ZNF215: variants seen among roughly 807,000 people sequenced by gnomAD.
ZNF215 encodes the protein BWSCR2-associated zinc finger protein 2.
A neutral mutation model predicts 27.2 loss-of-function variants in ZNF215; 24 were observed. The observed-to-expected ratio is 0.88, with a 90% CI of 0.64 to 1.24. The LOEUF (loss-of-function observed/expected upper bound fraction) is 1.24. Among genes scored for constraint, ZNF215 ranks in the 50% most tolerant of loss-of-function variants. ZNF215 has a pLI of 0.00. For missense variants in ZNF215, 675 were observed against 605.7 expected (o/e 1.11, Z -1.20); for synonymous variants, 210 against 204.0 (o/e 1.03, Z -0.25).
rs1485401609 is a variant in ZNF215, at chr11:6,950,942, AG to A, written c.713-4745del. Among the ~76,000 whole-genome samples the A allele has an allele frequency of 3.3e-5, 5 of 152,158 alleles. No individual in the cohort carries two copies. The South Asian group carries it at 8.3e-4, about 25-fold the overall frequency. On this transcript the variant is annotated intron_variant, in intron 6 of 6. Transcript: ENST00000278319. ...AATTTATTGAGAGTTTTTAGCATGA[AG>A]GGTTGTTGAATTTTGTCCAAGGCCT...
chr11:6,963,063 T>G lies in ZNF215; in HGVS notation c.805+7281T>G, dbSNP rs184862933. On this transcript the variant is annotated intron_variant, in intron 5 of 5. Transcript: ENST00000529903. ...GCTCTACCCATTTTCTTAGTGCCCT[T>G]TATTTCTAGTCTACTCATCCATCTT... is the stretch of plus-strand genomic sequence containing the variant. Among the ~76,000 whole-genome samples the G allele has an allele frequency of 1.7e-3, 256 of 152,216 alleles. 2 individuals carry two copies. The highest frequency in any genetic ancestry group is 6.0e-3 in the African/African-American group (250 of 41,544).
downstream of ZNF215, among the ~76,000 whole-genome samples, chr11:6,992,605 G>T (rs2133367531): frequency 6.6e-6 from 1 of 152,376 alleles, no homozygotes; most frequent in Non-Finnish European, 1.5e-5. Context: ...CTGTGCCACA[G>T]AATTATGTCA....
intron 5 of ZNF215, chr11:6,984,049 G>A (rs1851013362): frequency 2.8e-6 from 1 of 358,620 alleles, no homozygotes; most frequent in Non-Finnish European, 5.3e-6. Flanking sequence ...ACTCTCAAAC[G>A]CTATCTTTGG....
chr11:6,941,017 C>T (rs1849615540), intron 3 of ZNF215, among the ~76,000 whole-genome samples: 1 of 152,160 alleles, frequency 6.6e-6, no homozygotes, highest in African/African-American at 2.4e-5. Flanking sequence ...ATAAATTTCT[C>T]ACTGAATGGC....
rs151289972 is a variant in ZNF215 at position 6,933,217 on chromosome 11, G to T, written c.400+545G>T. 3.0e-3 allele frequency among the ~76,000 whole-genome samples: 451 copies of T among 152,320 alleles called. 2 individuals are homozygous for T. The highest frequency in any genetic ancestry group is 0.01 in the African/African-American group (428 of 41,574). ...GAGAATGAGCTTTGGGAAAGCAGGA[G>T]TTTGAACCTAGAGGAATTATAAACG... On this transcript the variant is annotated intron_variant, in intron 3 of 6. Coordinates refer to ENST00000278319, the MANE Select transcript of ZNF215 (RefSeq NM_013250.4).
chr11:6,939,414 T>C (rs1057102126), intron 3 of ZNF215, among the ~76,000 whole-genome samples: 2 of 152,140 alleles, frequency 1.3e-5, no homozygotes, highest in African/African-American at 2.4e-5. Context: ...ATAGTAAATA[T>C]GTGTTGAAAA....
chr11:6,935,310 T>G (rs1849394481), intron 3 of ZNF215, among the ~76,000 whole-genome samples: 1 of 152,344 alleles, frequency 6.6e-6, no homozygotes, highest in African/African-American at 2.4e-5. Flanking sequence ...AAGTGAAGAA[T>G]AACATAGAGT....
chr11:6,932,564 G>T lies in ZNF215; in HGVS notation c.292G>T (p.Ala98Ser). 6.2e-7 allele frequency: 1 copy of T among 1,614,178 alleles called. No homozygotes were observed. The highest frequency in any genetic ancestry group is 8.5e-7 in the Non-Finnish European group (1 of 1,180,044). ...ACTGTTGGTGCTGGAACAATTCCTG[G>T]CAATCCTGCCTGAAGAAGTCAGGAC... ...IELLVLEQFL[A>S]ILPEEVRTWV... is the part of the protein sequence containing the mutation. The change falls in exon 3 of 7, where the codon GCA (alanine) becomes TCA (serine). Residue 98 changes from alanine to serine, a missense_variant. Coordinates refer to ENST00000278319, the MANE Select transcript of ZNF215 (RefSeq NM_013250.4).
chr11:6,948,900 TCCCCCCA>T (rs1285119987), intron 6 of ZNF215, among the ~76,000 whole-genome samples: 1 of 80,422 alleles, frequency 1.2e-5, no homozygotes. Context: ...CCCTCCCCCC[TCCCCCCA>T]CCCCACAACA....
intron 3 of ZNF215, among the ~76,000 whole-genome samples, chr11:6,937,291 A>G (rs1481269913): frequency 6.6e-6 from 1 of 151,988 alleles, no homozygotes; most frequent in Admixed American, 6.5e-5. Context: ...AAAAGAAACC[A>G]AGAAAATAAT....
chr11:6,972,955 G>C (rs140474366), intron 5 of ZNF215, among the ~76,000 whole-genome samples: 3 of 151,702 alleles, frequency 2.0e-5, no homozygotes, highest in Non-Finnish European at 4.4e-5. Flanking sequence ...TGTGCAAAAC[G>C]TGCAGGTTTG....
chr11:6,992,425 G>A (rs774824630), downstream of ZNF215, among the ~76,000 whole-genome samples: 8 of 152,176 alleles, frequency 5.3e-5, no homozygotes, highest in Non-Finnish European at 7.4e-5. Context: ...TGCTGCTTCC[G>A]CAACCATCAA....
downstream of ZNF215, among the ~76,000 whole-genome samples, chr11:6,958,827 G>T (rs1850457133): frequency 3.9e-5 from 6 of 152,306 alleles, no homozygotes; most frequent in South Asian, 1.2e-3. Flanking sequence ...CTCGGAGTCT[G>T]ATGTTCAAGG....
At position 6,950,944 on chromosome 11, in the gene ZNF215, G is replaced by C. The variant is rs1318911021; in HGVS notation, c.713-4746G>C. ...TTTATTGAGAGTTTTTAGCATGAAG[G>C]GTTGTTGAATTTTGTCCAAGGCCTT... is the stretch of plus-strand genomic sequence containing the variant. On this transcript the variant is annotated intron_variant, in intron 6 of 6. Transcript: ENST00000278319. Among the ~76,000 whole-genome samples, 488 of 151,872 alleles carry C rather than the reference G, an allele frequency of 3.2e-3. 2 individuals are homozygous for C. Among genetic ancestry groups the C allele is most frequent in the African/African-American group, 0.011 (456 of 41,372 alleles).
At chr11:6,928,508 C>T (rs190723965) in intron 2 of ZNF215, among the ~76,000 whole-genome samples, 45 of 152,196 alleles carry the variant, frequency 3.0e-4, no homozygotes, top group South Asian at 4.2e-4. Context: ...TTTTAATTCA[C>T]TAAACTCTTG....
chr11:6,987,849 A>G (rs78100847), downstream of ZNF215, among the ~76,000 whole-genome samples: 1,578 of 152,292 alleles, frequency 0.01, 27 homozygotes, highest in African/African-American at 0.036. Flanking sequence ...GACAAATTAC[A>G]TGGCATTTCA....
In ZNF215 at chr11:6,943,163, G is replaced by A. The variant is rs1231685212; in HGVS notation, c.564G>A (p.Leu188=). ...WGQLDSAVKN[L]YRNVMLENFR... ...AACTGGACTCTGCTGTAAAGAACCTGTACAGGAATGTGATGCTGGAAAACT... is the reference window on the plus strand; with the variant it reads ...AACTGGACTCTGCTGTAAAGAACCTATACAGGAATGTGATGCTGGAAAACT... The change falls in exon 5 of 7, where the codon CTG becomes CTA. Residue 188 remains leucine (L), a synonymous_variant. Transcript: ENST00000278319. 6.2e-7 allele frequency: 1 copy of A among 1,613,948 alleles called. No homozygotes were observed. The highest frequency in any genetic ancestry group is 1.7e-5 in the Admixed American group (1 of 59,990).
chr11:6,957,678 A>G lies in ZNF215; in HGVS notation c.*1147A>G. 24 of 913,990 alleles carry G rather than the reference A, an allele frequency of 2.6e-5. No individual in the cohort carries two copies. Among genetic ancestry groups the G allele is most frequent in the Non-Finnish European group, 3.0e-5 (23 of 765,040 alleles). The allele number at this position is 913,990 out of a possible 1,614,324, so 56.6% of individuals were successfully genotyped here. A position where few individuals can be genotyped will look rare whatever the true frequency, so the allele number is the denominator to read the frequency against. ...AGTCTATGGTAAAATTGGTTTTGTTATACATCATTTCACTTAAAGTTGCAG... is the reference window on the plus strand; with the variant it reads ...AGTCTATGGTAAAATTGGTTTTGTTGTACATCATTTCACTTAAAGTTGCAG... On this transcript the variant is annotated 3_prime_UTR_variant, in exon 7 of 7. Transcript: ENST00000278319.
intron 5 of ZNF215, among the ~76,000 whole-genome samples, chr11:6,982,040 C>T (rs1309382899): frequency 1.3e-5 from 2 of 151,980 alleles, no homozygotes; most frequent in African/African-American, 2.4e-5. Flanking sequence ...AGTCAGGTAG[C>T]ATGATGCCTC....
Sources: allele counts gnomAD v4.1 joint callset (sites outside exome capture counted in the v4.1 genomes callset), GRCh38; gene constraint gnomAD v4.1.1; transcripts MANE v1.5; gene names NCBI Gene and HGNC (gene_info 2026-07-23, HGNC 2026-07-21).